The following METTL8 variants were observed in gnomAD, a reference collection of about 807,000 sequenced individuals.
METTL8 encodes the protein methyltransferase 8, tRNA N3-cytidine.
METTL8 carries 32 observed loss-of-function variants against 48.7 expected under a neutral mutation model. That is an observed-to-expected ratio of 0.66 (90% CI 0.50 to 0.88). METTL8 has a LOEUF of 0.88. Ranked by LOEUF, METTL8 falls within the 40% of genes least tolerant of loss-of-function variation. METTL8 has a pLI of 0.00. For missense variants in METTL8, 464 were observed against 474.4 expected (o/e 0.98, Z 0.20); for synonymous variants, 136 against 157.1 (o/e 0.87, Z 1.01).
intron 2 of METTL8, among the ~76,000 whole-genome samples, chr2:171,360,787 T>C (rs1278470373): frequency 6.6e-6 from 1 of 152,206 alleles, no homozygotes; most frequent in Non-Finnish European, 1.5e-5. Context: ...CAGAACACCC[T>C]GGTGTATGAC....
At chr2:171,387,553 A>AT (rs562737170) in intron 2 of METTL8, among the ~76,000 whole-genome samples, 26 of 149,986 alleles carry the variant, frequency 1.7e-4, no homozygotes, top group African/African-American at 5.2e-4. Context: ...TAAAAAAAAA[A>AT]TTTTTTTTTA....
intron 1 of METTL8, among the ~76,000 whole-genome samples, chr2:171,404,054 T>TAG (rs1689912822): frequency 3.6e-5 from 1 of 27,910 alleles, no homozygotes; most frequent in Non-Finnish European, 7.5e-5. Context: ...TGCTTTCTCA[T>TAG]ATATATATAT....
intron 2 of METTL8, among the ~76,000 whole-genome samples, chr2:171,382,409 A>T (rs957131020): frequency 2.6e-5 from 4 of 152,246 alleles, no homozygotes; most frequent in African/African-American, 9.6e-5. Context: ...TTGCAGGGAC[A>T]TAAATGAAGC....
intron 1 of METTL8, among the ~76,000 whole-genome samples, chr2:171,409,500 T>C (rs548732905): frequency 6.6e-6 from 1 of 152,122 alleles, no homozygotes; most frequent in Non-Finnish European, 1.5e-5. Context: ...AAAGTAACAA[T>C]CAAGTCTTAC....
At chr2:171,403,642 A>C (rs1454258634) in intron 1 of METTL8, among the ~76,000 whole-genome samples, 1 of 152,118 alleles carries the variant, frequency 6.6e-6, no homozygotes, top group Non-Finnish European at 1.5e-5. Context: ...TACCATACGA[A>C]TCTGTTACTA....
At chr2:171,387,660 G>A (rs1187807056) in intron 2 of METTL8, among the ~76,000 whole-genome samples, 1 of 151,402 alleles carries the variant, frequency 6.6e-6, no homozygotes, top group Non-Finnish European at 1.5e-5. Context: ...TAAAAATTGA[G>A]ATTGTTTACC....
chr2:171,388,057 A>G (rs1407727232), intron 2 of METTL8, among the ~76,000 whole-genome samples: 2 of 152,170 alleles, frequency 1.3e-5, no homozygotes, highest in Non-Finnish European at 2.9e-5. Flanking sequence ...AATGTCTAAA[A>G]CCAAATTAAC....
intron 2 of METTL8, among the ~76,000 whole-genome samples, chr2:171,378,938 C>T (rs1023767270): frequency 6.6e-6 from 1 of 152,172 alleles, no homozygotes; most frequent in African/African-American, 2.4e-5. Context: ...TCTCCACCCC[C>T]AGACAACAGA....
Position 171,339,537 on chromosome 2 carries a change from C to T in METTL8, c.253G>A (p.Ala85Thr), listed in dbSNP as rs1179347905. The change falls in exon 4 of 10, where the codon GCT becomes ACT. Residue 85 changes from alanine (A) to threonine (T), a missense_variant. Transcript: ENST00000375258. The part of the protein sequence containing the change: ...LEEQVKYERE[A>T]SKYWDTFYKI... ...TAAAATGTGTCCCAGTATTTACTAG[C>T]TTCTCTCTCATACTTAACTAAAATA... The T allele has an allele frequency of 3.9e-6, 6 of 1,546,966 alleles. No individual in the cohort carries two copies. In the East Asian group the frequency reaches 1.4e-4, roughly 35 times the overall value.
At chr2:171,416,252 G>A (rs927141362) in intron 1 of METTL8, among the ~76,000 whole-genome samples, 6 of 151,948 alleles carry the variant, frequency 3.9e-5, no homozygotes, top group African/African-American at 7.3e-5. Context: ...AGGAAAGCTC[G>A]TGCACCCTCT....
At chr2:171,354,026 C>A (rs533938081) in intron 3 of METTL8, among the ~76,000 whole-genome samples, 4 of 152,156 alleles carry the variant, frequency 2.6e-5, no homozygotes, top group African/African-American at 9.6e-5. Context: ...TTATTTTGCC[C>A]GTTAGTTGAT....
intron 1 of METTL8, among the ~76,000 whole-genome samples, chr2:171,397,352 TAAAAAAA>T (rs71013039): frequency 8.6e-5 from 1 of 11,692 alleles, no homozygotes; most frequent in Non-Finnish European, 1.6e-4. Flanking sequence ...ACCCTGTCTC[TAAAAAAA>T]AAAAAAAAAA....
chr2:171,410,118 C>A (rs1420991418), intron 1 of METTL8, among the ~76,000 whole-genome samples: 1 of 152,192 alleles, frequency 6.6e-6, no homozygotes, highest in Non-Finnish European at 1.5e-5. Flanking sequence ...AGGAATACAT[C>A]ATATAGAGAA....
intron 1 of METTL8, among the ~76,000 whole-genome samples, chr2:171,404,016 T>C (rs866905818): frequency 7.4e-5 from 10 of 134,304 alleles, no homozygotes; most frequent in African/African-American, 2.6e-4. Context: ...CCTGAAACTG[T>C]GAATAGTAAC....
In METTL8 at chr2:171,330,614, C is replaced by T; in HGVS notation, c.805G>A (p.Gly269Arg). 1 of 1,613,448 alleles carries T rather than the reference C, an allele frequency of 6.2e-7. No individual in the cohort carries two copies. The highest frequency in any genetic ancestry group is 8.5e-7 in the Non-Finnish European group (1 of 1,179,534). Residue 269 changes from glycine to arginine, a missense_variant, in exon 7 of 10, where the codon GGG (glycine) becomes AGG (arginine). Gly to Arg is a moderately radical substitution (Grantham distance 125). Transcript: ENST00000375258. The part of the protein sequence containing the change: ...DDGLPYPFPD[G>R]ILDVILLVFV... The stretch of plus-strand genomic sequence containing the variant: ...ACAAGGAGAATGACATCCAGGATCC[C>T]ATCTGGAAAAGGGTAAGGTAAGCCA...
intron 2 of METTL8, among the ~76,000 whole-genome samples, chr2:171,362,284 G>C (rs1029348166): frequency 6.6e-6 from 1 of 152,068 alleles, no homozygotes; most frequent in African/African-American, 2.4e-5. Context: ...GGAAGGAAAG[G>C]GGGAGAGGGA....
intron 9 of METTL8, among the ~76,000 whole-genome samples, chr2:171,325,515 T>C (rs1684856615): frequency 6.6e-6 from 1 of 152,198 alleles, no homozygotes; most frequent in Non-Finnish European, 1.5e-5. Context: ...TATAAACTTA[T>C]CAAATGTCCT....
rs1186262575 is a variant in METTL8, at chr2:171,381,623, A to T, written c.143+10420T>A. Among the ~76,000 whole-genome samples the T allele has an allele frequency of 2.0e-5, 3 of 152,198 alleles. No homozygotes were observed. The East Asian group carries it at 5.8e-4, about 29-fold the overall frequency. On this transcript the variant is annotated intron_variant, in intron 2 of 9. Transcript: ENST00000375258. ...AGACACTTCTCAAAAGAAGACATTTATGCAGCCAATAAACATATGAAAAAA... is the reference window on the plus strand; with the variant it reads ...AGACACTTCTCAAAAGAAGACATTTTTGCAGCCAATAAACATATGAAAAAA...
rs1684455827 is a variant in METTL8 at position 171,320,158 on chromosome 2, T to A, written c.*4014A>T. ...TTTTCTTTCTGTGCCAAAATCTACA[T>A]TTCTATCTAGCAGCAAACCCCGAGA... is the stretch of plus-strand genomic sequence containing the variant. On this transcript the variant is annotated 3_prime_UTR_variant, in exon 10 of 10. Coordinates refer to ENST00000375258, the MANE Select transcript of METTL8 (RefSeq NM_001321154.2). 2 of 151,978 alleles carry A rather than the reference T, an allele frequency of 1.3e-5. No homozygotes were observed. Among genetic ancestry groups the A allele is most frequent in the South Asian group, 4.2e-4 (2 of 4,798 alleles). 9.4% of individuals were successfully genotyped at this position (151,978 alleles called of 1,614,324 possible).
Sources: allele counts gnomAD v4.1 joint callset (sites outside exome capture counted in the v4.1 genomes callset), GRCh38; gene constraint gnomAD v4.1.1; transcripts MANE v1.5; gene names NCBI Gene and HGNC (gene_info 2026-07-23, HGNC 2026-07-21).